The following LATS1 variants were observed in gnomAD, a reference collection of about 807,000 sequenced individuals.
LATS1 encodes the protein serine/threonine-protein kinase LATS1.
In LATS1, 25 loss-of-function variants were observed where a neutral mutation model predicts 106.6. That is an observed-to-expected ratio of 0.23 (90% CI 0.17 to 0.33). LATS1 has a LOEUF of 0.33. Among genes scored for constraint, LATS1 ranks in the 10% least tolerant of loss-of-function variants. The probability of loss-of-function intolerance (pLI) is 1.00; values close to 1 mark genes in which losing one functional copy is unlikely to be tolerated. For missense variants in LATS1, 1,040 were observed against 1,382.6 expected (o/e 0.75, Z 3.93); for synonymous variants, 465 against 455.6 (o/e 1.02, Z -0.26).
At chr6:149,684,772 C>T (rs908393218) in intron 3 of LATS1, among the ~76,000 whole-genome samples, 180 bp from the exon 4 acceptor site, 4 of 151,874 alleles carry the variant, frequency 2.6e-5, no homozygotes, top group African/African-American at 4.8e-5. Context: ...TTAATAACAA[C>T]GTATTGTACT....
chr6:149,687,637 T>G (rs926511424), intron 3 of LATS1, among the ~76,000 whole-genome samples: 4 of 151,904 alleles, frequency 2.6e-5, no homozygotes, highest in Admixed American at 2.6e-4. Context: ...GTATCTAAGT[T>G]GTCCAGGCTG....
chr6:149,670,250 A>G (rs1781378112), intron 7 of LATS1, among the ~76,000 whole-genome samples: 1 of 151,252 alleles, frequency 6.6e-6, no homozygotes. Flanking sequence ...TAGTCACTAG[A>G]GCAACCACAA....
At chr6:149,697,732 TTTC>T (rs1783179005) in intron 2 of LATS1, among the ~76,000 whole-genome samples, 1 of 152,060 alleles carries the variant, frequency 6.6e-6, no homozygotes, top group African/African-American at 2.4e-5. Flanking sequence ...GGGAATCATT[TTTC>T]TTTTCTTTTT....
At chr6:149,710,121 G>C (rs1294060092) in intron 1 of LATS1, among the ~76,000 whole-genome samples, 5 of 152,056 alleles carry the variant, frequency 3.3e-5, no homozygotes, top group Non-Finnish European at 7.4e-5. Context: ...TTCCTTTCTG[G>C]ACCTAACCAA....
intron 1 of LATS1, among the ~76,000 whole-genome samples, chr6:149,704,466 A>G (rs888196672): frequency 1.3e-4 from 19 of 150,952 alleles, no homozygotes; most frequent in Non-Finnish European, 2.5e-4. Flanking sequence ...AACACTTTAA[A>G]TGGGTAAACT....
intron 1 of LATS1, among the ~76,000 whole-genome samples, chr6:149,703,130 C>T (rs538772848): frequency 1.3e-5 from 2 of 151,954 alleles, no homozygotes; most frequent in African/African-American, 2.4e-5. Context: ...TCTGCCACCA[C>T]GCCCAGCTAA....
At chr6:149,704,641 C>G (rs1450759000) in intron 1 of LATS1, among the ~76,000 whole-genome samples, 1 of 151,600 alleles carries the variant, frequency 6.6e-6, no homozygotes, top group Non-Finnish European at 1.5e-5. Flanking sequence ...GCCACCCTGT[C>G]CAGCTAAGTT....
At position 149,683,582 on chromosome 6, in the gene LATS1, C is replaced by G; in HGVS notation, c.1507G>C (p.Val503Leu). ...GCAGTCTGTAGCTCTGGTTTTAATACACGCATACTTTTCACAGGCTGTTGA... is the reference window on the plus strand; with the variant it reads ...GCAGTCTGTAGCTCTGGTTTTAATAGACGCATACTTTTCACAGGCTGTTGA... ...PIQQPVKSMR[V>L]LKPELQTALA... Residue 503 changes from valine to leucine, a missense_variant, in exon 4 of 8, where the codon GTA (valine) becomes CTA (leucine). By Grantham distance (32) the Val-to-Leu change is conservative. Transcript: ENST00000543571. The G allele has an allele frequency of 6.2e-7, 1 of 1,614,234 alleles. No homozygotes were observed. Among genetic ancestry groups the G allele is most frequent in the Non-Finnish European group, 8.5e-7 (1 of 1,180,042 alleles).
At chr6:149,717,411 C>G (rs575216487) in intron 1 of LATS1, among the ~76,000 whole-genome samples, 12 of 152,352 alleles carry the variant, frequency 7.9e-5, no homozygotes, top group African/African-American at 2.6e-4. Flanking sequence ...GTAAGAGACT[C>G]CCAGGATTTC....
chr6:149,668,049 T>C (rs1431120729), intron 7 of LATS1, among the ~76,000 whole-genome samples: 2 of 152,132 alleles, frequency 1.3e-5, no homozygotes, highest in African/African-American at 4.8e-5. Flanking sequence ...GCTTCCCAAG[T>C]AGCTGGGATT....
intron 1 of LATS1, among the ~76,000 whole-genome samples, chr6:149,710,442 C>T (rs1234721870): frequency 2.6e-5 from 4 of 152,186 alleles, no homozygotes; most frequent in Non-Finnish European, 5.9e-5. Context: ...CAAGTCCTGA[C>T]TGGGCCTATT....
At position 149,676,545 on chromosome 6, in the gene LATS1, A is replaced by C. The variant is rs1480961492; in HGVS notation, c.2776+10T>G. ...GTCTACTGAGAATATATATGAAAGA[A>C]GTGCTTTACCTGTTCGTAGCAACAC... On this transcript the variant is annotated intron_variant, in intron 6 of 7. Coordinates refer to ENST00000543571, the MANE Select transcript of LATS1 (RefSeq NM_004690.4). 1 of 1,610,718 alleles carries C rather than the reference A, an allele frequency of 6.2e-7. No individual in the cohort carries two copies. Among genetic ancestry groups the C allele is most frequent in the African/African-American group, 1.3e-5 (1 of 75,008 alleles).
intron 1 of LATS1, among the ~76,000 whole-genome samples, chr6:149,717,356 C>A (rs1295416897): frequency 6.6e-6 from 1 of 152,208 alleles, no homozygotes; most frequent in Non-Finnish European, 1.5e-5. Flanking sequence ...TCTCTCCCAC[C>A]TCTTCCAACT....
chr6:149,688,339 C>T (rs760147888), intron 3 of LATS1, among the ~76,000 whole-genome samples: 2 of 151,834 alleles, frequency 1.3e-5, no homozygotes, highest in African/African-American at 4.8e-5. Flanking sequence ...ATGGAGTCTT[C>T]GCTTTGTCAC....
At position 149,687,210 on chromosome 6, in the gene LATS1, C is replaced by T. The variant is rs1452525259; in HGVS notation, c.497-2618G>A. ...GGTTTAGGCGATTCTCCTGCCTCAG[C>T]CCCCTGTGTAGCTGGGATTACAGGC... On this transcript the variant is annotated intron_variant, in intron 3 of 7. Transcript: ENST00000543571. Among the ~76,000 whole-genome samples the T allele has an allele frequency of 3.3e-5, 5 of 151,866 alleles. No homozygotes were observed. The South Asian group carries it at 6.2e-4, about 19-fold the overall frequency.
Position 149,662,055 on chromosome 6 carries a change from A to C in LATS1, c.3067T>G (p.Ser1023Ala). ...IDFSSDLRQQSASYIPKITHP... is the reference protein window; with the variant it reads ...IDFSSDLRQQAASYIPKITHP... ...GTGATTTTAGGAATGTATGAAGCAG[A>C]CTGCTGTCTCAGGTCACTGGAGAAG... Residue 1023 changes from serine (S) to alanine (A), a missense_variant, in exon 8 of 8, where the codon TCT becomes GCT. Transcript: ENST00000543571. 2 of 1,614,154 alleles carry C rather than the reference A, an allele frequency of 1.2e-6. No homozygotes were observed. Among genetic ancestry groups the C allele is most frequent in the Non-Finnish European group, 1.7e-6 (2 of 1,180,002 alleles).
chr6:149,666,034 T>A (rs1352161085), intron 7 of LATS1, among the ~76,000 whole-genome samples: 1 of 145,312 alleles, frequency 6.9e-6, no homozygotes, highest in Non-Finnish European at 1.5e-5. Flanking sequence ...CCTAGCTACC[T>A]GGGAGGCTGA....
intron 2 of LATS1, among the ~76,000 whole-genome samples, chr6:149,701,069 C>T (rs1783432062): frequency 6.6e-6 from 1 of 152,216 alleles, no homozygotes; most frequent in Non-Finnish European, 1.5e-5. Flanking sequence ...AGGCGTGAGC[C>T]ACTGCACCCG....
At chr6:149,671,176 C>T (rs544990372) in intron 7 of LATS1, among the ~76,000 whole-genome samples, 3 of 151,996 alleles carry the variant, frequency 2.0e-5, no homozygotes, top group African/African-American at 7.3e-5. Context: ...TCTGTCATCC[C>T]AGGCTGGAGT....
Sources: gnomAD v4.1 joint callset for allele counts (sites outside exome capture counted in the v4.1 genomes callset) on GRCh38, gnomAD v4.1.1 for gene constraint, MANE v1.5 for transcripts, NCBI Gene and HGNC (gene_info 2026-07-23, HGNC 2026-07-21) for gene names.